The following GRIP1 variants were observed in gnomAD, a reference collection of about 807,000 sequenced individuals.
GRIP1 encodes glutamate receptor-interacting protein 1.
GRIP1 carries 45 observed loss-of-function variants against 129.9 expected under a neutral mutation model. The ratio of observed to expected loss-of-function variants is 0.35; its 90% CI spans 0.27 to 0.44. The LOEUF (loss-of-function observed/expected upper bound fraction) is 0.44. GRIP1 is among the 20% of genes least tolerant of loss of function. The pLI, the probability that GRIP1 is intolerant of heterozygous loss-of-function variation, is 1.00. For missense variants in GRIP1, 1,196 were observed against 1,396.8 expected, an observed-to-expected ratio of 0.86 and a Z score of 2.29; for synonymous variants, 530 against 520.8, an observed-to-expected ratio of 1.02 and a Z score of -0.24.
At chr12:66,437,229 A>G (rs1045577571) in intron 13 of GRIP1, among the ~76,000 whole-genome samples, 1 of 152,242 alleles carries the variant, frequency 6.6e-6, no homozygotes, top group African/African-American at 2.4e-5. Flanking sequence ...ACTCACATCC[A>G]GTGATTCCCC....
intron 7 of GRIP1, among the ~76,000 whole-genome samples, chr12:66,492,871 A>C (rs2060139895): frequency 6.6e-6 from 1 of 152,074 alleles, no homozygotes; most frequent in African/African-American, 2.4e-5. Flanking sequence ...TTAGCCAGGT[A>C]TGGTGGCAGG....
At chr12:66,425,622 C>A (rs2057956052) in intron 14 of GRIP1, among the ~76,000 whole-genome samples, 1 of 152,140 alleles carries the variant, frequency 6.6e-6, no homozygotes, top group African/African-American at 2.4e-5. Flanking sequence ...CACATATACA[C>A]CATGGAATAC....
chr12:66,914,225 G>C (rs901752594), intron 1 of GRIP1, among the ~76,000 whole-genome samples: 1 of 152,078 alleles, frequency 6.6e-6, no homozygotes, highest in Non-Finnish European at 1.5e-5. Context: ...TGGGGGGTAG[G>C]CACATAATCA....
intron 1 of GRIP1, among the ~76,000 whole-genome samples, chr12:66,745,313 A>G (rs771385946): frequency 7.2e-5 from 11 of 152,236 alleles, no homozygotes; most frequent in African/African-American, 2.7e-4. Context: ...GCTCAAGACT[A>G]TAGATGAATC....
intron 1 of GRIP1, among the ~76,000 whole-genome samples, chr12:66,793,838 T>C (rs762177353): frequency 7.9e-5 from 12 of 152,114 alleles, no homozygotes; most frequent in South Asian, 2.1e-4. Flanking sequence ...TTGTGTAACA[T>C]TGAGAAAATT....
At chr12:67,036,984 T>A (rs934623017) in intron 1 of GRIP1, among the ~76,000 whole-genome samples, 1 of 151,730 alleles carries the variant, frequency 6.6e-6, no homozygotes, top group Non-Finnish European at 1.5e-5. Flanking sequence ...GTAAGTATGG[T>A]TTGGGGAATA....
At chr12:66,705,476 C>T (rs979782547) in intron 1 of GRIP1, among the ~76,000 whole-genome samples, 11 of 152,162 alleles carry the variant, frequency 7.2e-5, no homozygotes, top group African/African-American at 2.2e-4. Context: ...AATGGCCATA[C>T]TGCCCAAAGC....
At chr12:66,989,582 A>G (rs894924183) in intron 1 of GRIP1, among the ~76,000 whole-genome samples, 9 of 152,238 alleles carry the variant, frequency 5.9e-5, no homozygotes, top group African/African-American at 2.2e-4. Flanking sequence ...CGAATAGGTT[A>G]TTAATCATCA....
At chr12:66,860,762 G>A (rs911117275) in intron 1 of GRIP1, among the ~76,000 whole-genome samples, 6 of 152,002 alleles carry the variant, frequency 3.9e-5, no homozygotes, top group African/African-American at 7.2e-5. Context: ...TGCATATTGC[G>A]ATACATAATG....
intron 1 of GRIP1, chr12:66,803,919 C>A (rs1592861210): frequency 5.9e-6 from 2 of 338,038 alleles, no homozygotes; most frequent in Non-Finnish European, 1.2e-5. Context: ...AAACATAGCA[C>A]TTCAGTACTT....
At chr12:66,910,483 A>T (rs2041010812) in intron 1 of GRIP1, among the ~76,000 whole-genome samples, 1 of 152,180 alleles carries the variant, frequency 6.6e-6, no homozygotes, top group Non-Finnish European at 1.5e-5. Context: ...TGAAACCAAA[A>T]GGCTGCAGCA....
chr12:67,032,967 A>G (rs1565648266), intron 1 of GRIP1, among the ~76,000 whole-genome samples: 1 of 152,076 alleles, frequency 6.6e-6, no homozygotes, highest in East Asian at 1.9e-4. Flanking sequence ...ATTTTTTCTT[A>G]CTAGTCTTTG....
chr12:66,465,392 A>G lies in GRIP1; in HGVS notation c.755T>C (p.Leu252Pro). The part of the protein sequence containing the change: ...DSVATASGPL[L>P]VEVAKTPGAS... ...ACCAGGAGTTTTGGCAACTTCGACTAGTAGTGGCCCGGATGCTGTTGCCAC... is the reference window on the plus strand; with the variant it reads ...ACCAGGAGTTTTGGCAACTTCGACTGGTAGTGGCCCGGATGCTGTTGCCAC... Residue 252 changes from leucine to proline, a missense_variant, in exon 8 of 25, where the codon CTA (leucine) becomes CCA (proline). Leu to Pro is a moderately conservative substitution (Grantham distance 98). Around this residue, in one of 5 missense-constraint regions of GRIP1, gnomAD observed 508 missense variants for 587.0 expected, o/e 0.87. Coordinates refer to ENST00000359742, the MANE Select transcript of GRIP1 (RefSeq NM_001366722.1). 1 of 1,614,004 alleles carries G rather than the reference A, an allele frequency of 6.2e-7. No homozygotes were observed.
chr12:66,635,944 C>T (rs994902447), intron 1 of GRIP1, among the ~76,000 whole-genome samples: 3 of 152,164 alleles, frequency 2.0e-5, no homozygotes, highest in African/African-American at 7.2e-5. Context: ...CTCAAAGAGA[C>T]ATTTGTACAC....
intron 1 of GRIP1, among the ~76,000 whole-genome samples, chr12:66,946,992 C>T (rs1270792739): frequency 2.6e-5 from 4 of 151,286 alleles, no homozygotes; most frequent in Non-Finnish European, 5.9e-5. Context: ...TGTGGTGAAC[C>T]GAGATCGCAC....
chr12:66,479,656 A>G (rs1243167600), intron 7 of GRIP1, among the ~76,000 whole-genome samples: 5 of 152,242 alleles, frequency 3.3e-5, no homozygotes, highest in African/African-American at 1.2e-4. Context: ...ATGAACATCA[A>G]TATGAAAATC....
intron 13 of GRIP1, among the ~76,000 whole-genome samples, chr12:66,440,589 C>A (rs1392766024): frequency 2.0e-5 from 3 of 152,076 alleles, no homozygotes; most frequent in Non-Finnish European, 4.4e-5. Flanking sequence ...GTCTCACAAC[C>A]TTTTCTACAA....
chr12:66,892,254 C>T (rs537550411), intron 1 of GRIP1, among the ~76,000 whole-genome samples: 1 of 152,260 alleles, frequency 6.6e-6, no homozygotes, highest in South Asian at 2.1e-4. Flanking sequence ...TCACCAATTC[C>T]ACCTTGGTCC....
intron 1 of GRIP1, among the ~76,000 whole-genome samples, chr12:67,049,910 T>TAA (rs140624900): frequency 0.11 from 16,699 of 150,082 alleles, 1,078 homozygotes; most frequent in African/African-American, 0.16. Context: ...AAATAATTGG[T>TAA]AAAAAAAAGT....
Sources: gnomAD v4.1 joint callset for allele counts (sites outside exome capture counted in the v4.1 genomes callset) on GRCh38, gnomAD v4.1.1 for gene constraint, gnomAD v4.1.1 regional missense constraint, MANE v1.5 for transcripts, NCBI Gene and HGNC (gene_info 2026-07-23, HGNC 2026-07-21) for gene names.